The following PPFIA2 variants were observed in gnomAD, a reference collection of about 807,000 sequenced individuals.
PPFIA2 encodes the protein PPFI scaffold protein A2.
A neutral mutation model predicts 175.5 loss-of-function variants in PPFIA2; 46 were observed. That is an observed-to-expected ratio of 0.26 (90% confidence interval 0.21 to 0.34). PPFIA2 has a LOEUF of 0.34. Ranked by LOEUF, PPFIA2 falls within the 10% of genes least tolerant of loss-of-function variation. The pLI, the probability that PPFIA2 is intolerant of heterozygous loss-of-function variation, is 1.00. For missense variants in PPFIA2, 1,179 were observed against 1,506.1 expected (o/e 0.78, Z 3.60); for synonymous variants, 568 against 511.4 (o/e 1.11, Z -1.49).
intron 31 of PPFIA2, 96 bp downstream of exon 31, chr12:81,263,135 C>T (rs1161900693): frequency 9.4e-6 from 12 of 1,274,794 alleles, no homozygotes; most frequent in Non-Finnish European, 9.6e-6. Context: ...CAAACCAACT[C>T]AAGAAAATAA....
At chr12:81,302,175 T>C (rs775831274) in intron 22 of PPFIA2, 22 of 417,412 alleles carry the variant, frequency 5.3e-5, no homozygotes, top group Non-Finnish European at 3.3e-5. Context: ...AATAGCTTTT[T>C]CTATTTTACC....
chr12:81,358,189 G>A lies in PPFIA2; in HGVS notation c.1666C>T (p.Arg556Trp), dbSNP rs554304662. 8.2e-6 allele frequency: 13 copies of A among 1,591,480 alleles called. No homozygotes were observed. The highest frequency in any genetic ancestry group is 7.0e-5 in the Admixed American group (4 of 57,278). ...TCCACTAGGGATCCCACTGAGTACC[G>A]CAACTCAGCTGAGGTGTCTAGATGA... ...RTHLDTSAELRYSVGSLVDSQ... is the reference protein window; with the variant it reads ...RTHLDTSAELWYSVGSLVDSQ... Residue 556 changes from arginine to tryptophan, a missense_variant, in exon 16 of 33, where the codon CGG (arginine) becomes TGG (tryptophan). Transcript: ENST00000549396.
chr12:81,757,893 G>C, intron 2 of PPFIA2, among the ~76,000 whole-genome samples: 1 of 152,116 alleles, frequency 6.6e-6, no homozygotes, highest in Non-Finnish European at 1.5e-5. Flanking sequence ...AAAACATTTA[G>C]TCTTAAGAAC....
chr12:81,318,216 C>T (rs2052846591), intron 22 of PPFIA2, among the ~76,000 whole-genome samples: 1 of 151,692 alleles, frequency 6.6e-6, no homozygotes. Flanking sequence ...CTAGTATGGT[C>T]ATGTTCCTCT....
At chr12:81,533,499 AGT>A (rs1191537637) in intron 4 of PPFIA2, among the ~76,000 whole-genome samples, 1 of 151,624 alleles carries the variant, frequency 6.6e-6, no homozygotes, top group Non-Finnish European at 1.5e-5. Context: ...GACTTTCTGC[AGT>A]GATTTTCCAC....
chr12:81,461,722 T>G (rs1333329928), intron 4 of PPFIA2, among the ~76,000 whole-genome samples: 1 of 152,122 alleles, frequency 6.6e-6, no homozygotes, highest in African/African-American at 2.4e-5. Flanking sequence ...TTCTCTTTCC[T>G]GTTTCCATTT....
intron 16 of PPFIA2, among the ~76,000 whole-genome samples, chr12:81,354,856 C>T (rs573182606): frequency 4.7e-4 from 71 of 152,184 alleles, no homozygotes; most frequent in Admixed American, 1.2e-3. Context: ...GTTGGCCAGG[C>T]TGGTCTCGAG....
intron 28 of PPFIA2, among the ~76,000 whole-genome samples, chr12:81,273,080 A>G (rs1221118583): frequency 6.6e-6 from 1 of 151,784 alleles, no homozygotes; most frequent in African/African-American, 2.4e-5. Context: ...ATGACCTTTG[A>G]TTTTTTTTAC....
At chr12:81,503,096 C>T (rs1205244645) in intron 4 of PPFIA2, among the ~76,000 whole-genome samples, 1 of 152,134 alleles carries the variant, frequency 6.6e-6, no homozygotes, top group Non-Finnish European at 1.5e-5. Flanking sequence ...ATTCCCACTT[C>T]CCATAAATAA....
intron 2 of PPFIA2, among the ~76,000 whole-genome samples, chr12:81,756,886 A>T (rs1233231499): frequency 6.6e-6 from 1 of 152,194 alleles, no homozygotes; most frequent in Non-Finnish European, 1.5e-5. Context: ...AATTTATAAA[A>T]ATCAAATTAT....
At chr12:81,341,686 G>A (rs2058112855) in intron 19 of PPFIA2, among the ~76,000 whole-genome samples, 1 of 152,086 alleles carries the variant, frequency 6.6e-6, no homozygotes, top group South Asian at 2.1e-4. Context: ...AGACACTGCT[G>A]CCATAAATCA....
intron 4 of PPFIA2, among the ~76,000 whole-genome samples, chr12:81,665,244 C>T (rs1045173143): frequency 9.2e-5 from 14 of 151,930 alleles, no homozygotes; most frequent in Non-Finnish European, 1.8e-4. Context: ...TTTTCTAACC[C>T]AGAGTTGTTT....
chr12:81,754,289 G>A, intron 2 of PPFIA2, 66 bp from the exon 3 acceptor site: 1 of 1,507,158 alleles, frequency 6.6e-7, no homozygotes, highest in Non-Finnish European at 9.0e-7. Context: ...CATTTGGAGA[G>A]CAATTCACTA....
In PPFIA2 at chr12:81,439,931, C is replaced by T. The variant is rs1349559649; in HGVS notation, c.645+41G>A. On this transcript the variant is annotated intron_variant, in intron 7 of 32. Transcript: ENST00000549396. The stretch of plus-strand genomic sequence containing the variant: ...TGAAACACAAGGGATGTAATGTCAG[C>T]GATATTGCACCTCAAAAGAGGAGAA... The T allele has an allele frequency of 1.0e-5, 15 of 1,478,160 alleles. No homozygotes were observed. In the East Asian group the frequency reaches 1.6e-4, roughly 16 times the overall value. The allele number at this position is 1,478,160 out of a possible 1,614,324, so 91.6% of individuals were successfully genotyped here. A position where few individuals can be genotyped will look rare whatever the true frequency, so the allele number is the denominator to read the frequency against.
At position 81,491,192 on chromosome 12, in the gene PPFIA2, G is replaced by A. The variant is rs148134234; in HGVS notation, c.304-33326C>T. 7.9e-5 allele frequency among the ~76,000 whole-genome samples: 11 copies of A among 139,510 alleles called. No individual in the cohort carries two copies. In the East Asian group the frequency reaches 2.3e-3, roughly 30 times the overall value. The allele number at this position is 139,510 out of a possible 152,430, so 91.5% of individuals were successfully genotyped here. A position where few individuals can be genotyped will look rare whatever the true frequency, so the allele number is the denominator to read the frequency against. On this transcript the variant is annotated intron_variant, in intron 4 of 32. Coordinates refer to ENST00000549396, the MANE Select transcript of PPFIA2 (RefSeq NM_003625.5). ...TGTTTTAAGACAGTTACCTTTTAATGTTTCTGGAATTACTTTTTTTGTTTT... is the reference window on the plus strand; with the variant it reads ...TGTTTTAAGACAGTTACCTTTTAATATTTCTGGAATTACTTTTTTTGTTTT...
intron 20 of PPFIA2, among the ~76,000 whole-genome samples, chr12:81,340,266 A>C (rs1171831742): frequency 6.6e-6 from 1 of 152,126 alleles, no homozygotes; most frequent in African/African-American, 2.4e-5. Flanking sequence ...GACTGCCAAC[A>C]CAGAAAGCCC....
chr12:81,708,470 G>GA (rs970415277), intron 3 of PPFIA2, among the ~76,000 whole-genome samples: 14 of 151,590 alleles, frequency 9.2e-5, no homozygotes, highest in African/African-American at 3.1e-4. Flanking sequence ...AAGTTATTTT[G>GA]AAAAAAAAGT....
intron 22 of PPFIA2, among the ~76,000 whole-genome samples, chr12:81,308,449 A>G (rs2138901212): frequency 6.6e-6 from 1 of 152,342 alleles, no homozygotes; most frequent in Middle Eastern, 3.4e-3. Flanking sequence ...GAGGTGCAGA[A>G]TCAGAATTTG....
intron 4 of PPFIA2, among the ~76,000 whole-genome samples, chr12:81,573,710 C>G (rs561106813): frequency 6.6e-6 from 1 of 151,870 alleles, no homozygotes; most frequent in Non-Finnish European, 1.5e-5. Flanking sequence ...AACAGCATGT[C>G]TTTAATCACT....
Sources: gnomAD v4.1 joint callset for allele counts (sites outside exome capture counted in the v4.1 genomes callset) on GRCh38, gnomAD v4.1.1 for gene constraint, MANE v1.5 for transcripts, NCBI Gene and HGNC (gene_info 2026-07-23, HGNC 2026-07-21) for gene names.